Variants in CCBE1 observed in about 807,000 individuals in gnomAD.
CCBE1 encodes the protein collagen and calcium-binding EGF domain-containing protein 1.
Under a neutral mutation model 50.0 loss-of-function variants are expected in CCBE1, and 37 were observed. That is an observed-to-expected ratio of 0.74 (90% CI 0.57 to 0.97). The LOEUF (loss-of-function observed/expected upper bound fraction) is 0.97, where lower values mean the gene tolerates loss of function less well. CCBE1 is among the 50% of genes least tolerant of loss of function. The pLI is 0.00. For missense variants in CCBE1, 538 were observed against 523.8 expected, an observed-to-expected ratio of 1.03 and a Z score of -0.26; for synonymous variants, 234 against 203.7, an observed-to-expected ratio of 1.15 and a Z score of -1.27.
intron 2 of CCBE1, among the ~76,000 whole-genome samples, chr18:59,621,203 C>T (rs1180306350): frequency 6.6e-6 from 1 of 152,174 alleles, no homozygotes; most frequent in South Asian, 2.1e-4. Context: ...CTGAAAGAAA[C>T]AGCTAAAAGC....
chr18:59,665,780 A>G (rs1599116718), intron 2 of CCBE1, among the ~76,000 whole-genome samples: 1 of 152,186 alleles, frequency 6.6e-6, no homozygotes, highest in East Asian at 1.9e-4. Context: ...ACTGCTCACC[A>G]AGAGCAGAGC....
chr18:59,590,625 C>G lies in CCBE1; in HGVS notation c.212+106004G>C, dbSNP rs571454210. Reference sequence around the variant, plus strand: ...CCAGACAGATATTAAAACATACAACCGCATCTTAAGTTAAAACAGGGTTGT... The same window carrying G: ...CCAGACAGATATTAAAACATACAACGGCATCTTAAGTTAAAACAGGGTTGT... On this transcript the variant is annotated intron_variant, in intron 2 of 10. Coordinates refer to ENST00000439986, the MANE Select transcript of CCBE1 (RefSeq NM_133459.4). Among the ~76,000 whole-genome samples the G allele has an allele frequency of 8.2e-4, 124 of 152,136 alleles. No homozygotes were observed. In the Middle Eastern group the frequency reaches 0.01, roughly 13 times the overall value.
At chr18:59,480,960 C>T (rs1196435433) in intron 2 of CCBE1, among the ~76,000 whole-genome samples, 1 of 152,158 alleles carries the variant, frequency 6.6e-6, no homozygotes, top group Admixed American at 6.5e-5. Flanking sequence ...AGGCTCTCCA[C>T]AACATAACAT....
At chr18:59,565,025 T>C (rs2052799492) in intron 2 of CCBE1, among the ~76,000 whole-genome samples, 1 of 152,228 alleles carries the variant, frequency 6.6e-6, no homozygotes, top group South Asian at 2.1e-4. Flanking sequence ...CCTTGTTCCC[T>C]TGCTCATGAT....
At chr18:59,536,294 G>A (rs887810380) in intron 2 of CCBE1, among the ~76,000 whole-genome samples, 1 of 152,078 alleles carries the variant, frequency 6.6e-6, no homozygotes, top group Non-Finnish European at 1.5e-5. Context: ...ATAGAGCCTG[G>A]ACAGCTCATG....
At chr18:59,557,472 C>A (rs1568204869) in intron 2 of CCBE1, among the ~76,000 whole-genome samples, 1 of 152,148 alleles carries the variant, frequency 6.6e-6, no homozygotes, top group African/African-American at 2.4e-5. Context: ...CCTCTCCACA[C>A]CCAAGTAACA....
intron 2 of CCBE1, among the ~76,000 whole-genome samples, chr18:59,584,970 A>G (rs1295860375): frequency 6.6e-6 from 1 of 152,098 alleles, no homozygotes; most frequent in Admixed American, 6.6e-5. Context: ...GCAAGTTAAC[A>G]GTTTCCTATT....
intron 2 of CCBE1, among the ~76,000 whole-genome samples, chr18:59,570,993 G>A (rs1030819891): frequency 3.3e-5 from 5 of 152,162 alleles, no homozygotes; most frequent in African/African-American, 1.2e-4. Context: ...CATCACAAGA[G>A]TAAGTCGACT....
chr18:59,546,157 G>T (rs555249086), intron 2 of CCBE1, among the ~76,000 whole-genome samples: 1 of 152,150 alleles, frequency 6.6e-6, no homozygotes, highest in Admixed American at 6.5e-5. Flanking sequence ...TGAACTATAT[G>T]CTGAATATTT....
chr18:59,688,914 G>C (rs999999714), intron 2 of CCBE1, among the ~76,000 whole-genome samples: 3 of 152,190 alleles, frequency 2.0e-5, no homozygotes, highest in Non-Finnish European at 4.4e-5. Context: ...ACATGTGGAT[G>C]AGGTGTTATA....
chr18:59,663,624 G>A (rs550409950), intron 2 of CCBE1, among the ~76,000 whole-genome samples: 275 of 152,086 alleles, frequency 1.8e-3, no homozygotes, highest in African/African-American at 6.3e-3. Flanking sequence ...AGCTGGGTAC[G>A]TTTGGGGGAC....
chr18:59,542,173 CAAAAA>C (rs55950963), intron 2 of CCBE1, among the ~76,000 whole-genome samples: 1 of 134,944 alleles, frequency 7.4e-6, no homozygotes, highest in Non-Finnish European at 1.6e-5. Context: ...GATCCTGTCT[CAAAAA>C]AAAAAAAAAA....
chr18:59,544,411 G>C (rs184312014), intron 2 of CCBE1, among the ~76,000 whole-genome samples: 21 of 152,234 alleles, frequency 1.4e-4, no homozygotes, highest in African/African-American at 4.8e-4. Context: ...CTGTATTTCT[G>C]AACAATTGCT....
intron 2 of CCBE1, among the ~76,000 whole-genome samples, chr18:59,572,478 T>C (rs1165437305): frequency 6.6e-6 from 1 of 152,228 alleles, no homozygotes; most frequent in African/African-American, 2.4e-5. Context: ...TACCAGAGAT[T>C]GATATGATCA....
chr18:59,508,102 A>T (rs1913964698), intron 2 of CCBE1, among the ~76,000 whole-genome samples: 1 of 151,858 alleles, frequency 6.6e-6, no homozygotes, highest in Non-Finnish European at 1.5e-5. Flanking sequence ...CGTGTCGGCC[A>T]GGATGATCTC....
chr18:59,472,616 T>G (rs1281846727), intron 3 of CCBE1, among the ~76,000 whole-genome samples: 1 of 152,218 alleles, frequency 6.6e-6, no homozygotes, highest in East Asian at 1.9e-4. Flanking sequence ...CCCAAAGCGC[T>G]GGGATTACCA....
intron 7 of CCBE1, 145 bp downstream of exon 7, chr18:59,447,838 C>T: frequency 8.2e-7 from 1 of 1,220,182 alleles, no homozygotes; most frequent in Non-Finnish European, 1.2e-6. Context: ...TCTCTCATTG[C>T]ATGGGTGTGT....
At chr18:59,631,859 G>A (rs1384552196) in intron 2 of CCBE1, among the ~76,000 whole-genome samples, 1 of 152,154 alleles carries the variant, frequency 6.6e-6, no homozygotes, top group Non-Finnish European at 1.5e-5. Flanking sequence ...TGGTGGTTTG[G>A]ATGCCATCTT....
intron 6 of CCBE1, among the ~76,000 whole-genome samples, chr18:59,453,240 G>A (rs1333054179): frequency 6.6e-6 from 1 of 152,212 alleles, no homozygotes; most frequent in African/African-American, 2.4e-5. Context: ...GGTACATCTG[G>A]AGATATTGAT....
Sources: allele counts gnomAD v4.1 joint callset (sites outside exome capture counted in the v4.1 genomes callset), GRCh38; gene constraint gnomAD v4.1.1; transcripts MANE v1.5; gene names NCBI Gene and HGNC (gene_info 2026-07-23, HGNC 2026-07-21).